Variants in SRPK1 observed in about 807,000 individuals in gnomAD.
The protein encoded by SRPK1 is SFRS protein kinase 1.
A neutral mutation model predicts 89.5 loss-of-function variants in SRPK1; 52 were observed. That is an observed-to-expected ratio of 0.58 (90% CI 0.46 to 0.73). The LOEUF (loss-of-function observed/expected upper bound fraction) is 0.73. Among genes scored for constraint, SRPK1 ranks in the 30% least tolerant of loss-of-function variants. The pLI is 0.00. For synonymous variants in SRPK1, 255 were observed against 270.2 expected, an observed-to-expected ratio of 0.94 and a Z score of 0.55; for missense variants, 603 against 780.6, an observed-to-expected ratio of 0.77 and a Z score of 2.71.
At chr6:35,915,900 A>T (rs1017731027) in intron 2 of SRPK1, among the ~76,000 whole-genome samples, 1 of 147,670 alleles carries the variant, frequency 6.8e-6, no homozygotes, top group African/African-American at 2.5e-5. Flanking sequence ...TGAACCCAGG[A>T]GGCGGAGGTT....
At chr6:35,901,245 T>A (rs1400164093) in intron 2 of SRPK1, among the ~76,000 whole-genome samples, 1 of 152,154 alleles carries the variant, frequency 6.6e-6, no homozygotes, top group Admixed American at 6.6e-5. Context: ...ATTATTTAGA[T>A]ACAGGGTGGG....
intron 8 of SRPK1, among the ~76,000 whole-genome samples, chr6:35,872,346 A>C (rs1770051592): frequency 6.6e-6 from 1 of 152,164 alleles, no homozygotes; most frequent in African/African-American, 2.4e-5. Context: ...AACAATACAC[A>C]CCAGCTTTTA....
intron 2 of SRPK1, among the ~76,000 whole-genome samples, chr6:35,912,453 T>G (rs376929810): frequency 2.8e-4 from 42 of 152,330 alleles, no homozygotes; most frequent in African/African-American, 9.9e-4. Flanking sequence ...CAATAACGTA[T>G]TTTTAAATTA....
intron 13 of SRPK1, among the ~76,000 whole-genome samples, chr6:35,848,825 T>C (rs1025955047): frequency 6.6e-6 from 1 of 152,118 alleles, no homozygotes; most frequent in Non-Finnish European, 1.5e-5. Context: ...ACCACCCTCA[T>C]CTCACTCCGA....
intron 2 of SRPK1, 89 bp from the exon 3 acceptor site, chr6:35,891,102 T>C: frequency 2.1e-6 from 3 of 1,442,644 alleles, no homozygotes; most frequent in Non-Finnish European, 1.8e-6. Context: ...AAAACTAAAC[T>C]TTCAGATAAT....
chr6:35,918,256 T>C (rs1378008463), intron 2 of SRPK1, among the ~76,000 whole-genome samples: 2 of 151,952 alleles, frequency 1.3e-5, no homozygotes, highest in African/African-American at 4.8e-5. Context: ...ATCCCAGCAC[T>C]TTGGGAGGCT....
chr6:35,908,005 C>G (rs909070496), intron 2 of SRPK1, among the ~76,000 whole-genome samples: 1 of 152,160 alleles, frequency 6.6e-6, no homozygotes, highest in Non-Finnish European at 1.5e-5. Context: ...GCCTGCTTCC[C>G]CTTCACCTTC....
At chr6:35,915,447 T>G (rs1245452514) in intron 2 of SRPK1, among the ~76,000 whole-genome samples, 1 of 149,900 alleles carries the variant, frequency 6.7e-6, no homozygotes, top group Non-Finnish European at 1.5e-5. Flanking sequence ...TGGACAAAAT[T>G]TTGACAAAAT....
chr6:35,875,459 C>T (rs6926867), intron 6 of SRPK1, among the ~76,000 whole-genome samples: 47,809 of 151,828 alleles, frequency 0.31, 7,741 homozygotes, highest in South Asian at 0.42. Context: ...CATAATCTAC[C>T]TGCCTTGGCC....
chr6:35,877,775 G>A (rs932392646), intron 6 of SRPK1, among the ~76,000 whole-genome samples: 2 of 151,728 alleles, frequency 1.3e-5, no homozygotes, highest in Non-Finnish European at 2.9e-5. Flanking sequence ...CCCAGGAGGC[G>A]GAGGTTGCAG....
intron 6 of SRPK1, among the ~76,000 whole-genome samples, chr6:35,885,298 C>CACACACAGAGAG (rs1276672274): frequency 2.7e-4 from 30 of 113,110 alleles, no homozygotes; most frequent in African/African-American, 9.5e-4. Context: ...CACACACACA[C>CACACACAGAGAG]AGAGAGAGAG....
chr6:35,852,536 G>C (rs533413565), intron 13 of SRPK1, among the ~76,000 whole-genome samples: 1 of 152,276 alleles, frequency 6.6e-6, no homozygotes, highest in South Asian at 2.1e-4. Flanking sequence ...TCAAAATCCA[G>C]CCTCCAGTGA....
intron 2 of SRPK1, among the ~76,000 whole-genome samples, chr6:35,898,590 T>C (rs1770673132): frequency 6.6e-6 from 1 of 152,166 alleles, no homozygotes; most frequent in African/African-American, 2.4e-5. Context: ...AATTTAGCCA[T>C]GCATGGTGGC....
At chr6:35,882,217 G>A (rs538378799) in intron 6 of SRPK1, among the ~76,000 whole-genome samples, 1 of 151,476 alleles carries the variant, frequency 6.6e-6, no homozygotes, top group African/African-American at 2.4e-5. Flanking sequence ...CAAGACATTT[G>A]GTGAGATTGA....
chr6:35,905,495 T>C (rs1770831550), intron 2 of SRPK1, among the ~76,000 whole-genome samples: 1 of 152,154 alleles, frequency 6.6e-6, no homozygotes, highest in South Asian at 2.1e-4. Context: ...TTGGACTTTT[T>C]AAAAAAGTCA....
chr6:35,859,692 A>G (rs765123981), intron 12 of SRPK1, among the ~76,000 whole-genome samples: 25 of 152,188 alleles, frequency 1.6e-4, no homozygotes, highest in Non-Finnish European at 2.6e-4. Flanking sequence ...GTAAAATTCC[A>G]TTACTGAATG....
At chr6:35,842,452 C>T (rs1769329870) in intron 14 of SRPK1, 83 bp downstream of exon 14, 1 of 1,050,334 alleles carries the variant, frequency 9.5e-7, no homozygotes, top group Non-Finnish European at 1.4e-6. Context: ...AAGACTAAGG[C>T]TCTTCGGTAC....
At chr6:35,852,128 C>T (rs887078777) in intron 13 of SRPK1, among the ~76,000 whole-genome samples, 1 of 152,188 alleles carries the variant, frequency 6.6e-6, no homozygotes, top group African/African-American at 2.4e-5. Context: ...TTAACTATAA[C>T]TCCATCATTC....
chr6:35,833,048 A>G lies in SRPK1; in HGVS notation c.*2256T>C, dbSNP rs554746720. The G allele has an allele frequency of 1.4e-4, 21 of 152,780 alleles. No homozygotes were observed. In the East Asian group the frequency reaches 2.9e-3, roughly 21 times the overall value. 9.5% of individuals were successfully genotyped at this position (152,780 alleles called of 1,614,324 possible). A position where few individuals can be genotyped will look rare whatever the true frequency, so the allele number is the denominator to read the frequency against. On this transcript the variant is annotated 3_prime_UTR_variant, in exon 16 of 16. Transcript: ENST00000373825. ...TTGGAAACATGTAGGTTATTAAATA[A>G]TTTGTTTATTGTACGGCATTTACAA...
Sources: allele counts gnomAD v4.1 joint callset (sites outside exome capture counted in the v4.1 genomes callset), GRCh38; gene constraint gnomAD v4.1.1; transcripts MANE v1.5; gene names NCBI Gene and HGNC (gene_info 2026-07-23, HGNC 2026-07-21).